Variants in CD2AP observed in about 807,000 individuals in gnomAD.
CD2AP encodes the protein CD2 associated protein.
A neutral mutation model predicts 85.1 loss-of-function variants in CD2AP; 46 were observed. The ratio of observed to expected loss-of-function variants is 0.54; its 90% CI spans 0.43 to 0.69. CD2AP has a LOEUF of 0.69. Among genes scored for constraint, CD2AP ranks in the 30% least tolerant of loss-of-function variants. The pLI, the probability that CD2AP is intolerant of heterozygous loss-of-function variation, is 0.00. For synonymous variants in CD2AP, 255 were observed against 252.9 expected (o/e 1.01, Z -0.08); for missense variants, 769 against 729.5 (o/e 1.05, Z -0.62).
intron 1 of CD2AP, among the ~76,000 whole-genome samples, chr6:47,491,128 G>A (rs1196869946): frequency 1.3e-5 from 2 of 151,940 alleles, no homozygotes; most frequent in African/African-American, 2.4e-5. Context: ...TCAGTTTTGC[G>A]TTTCTCTATT....
At chr6:47,505,283 G>A (rs1456895496) in intron 2 of CD2AP, among the ~76,000 whole-genome samples, 4 of 147,150 alleles carry the variant, frequency 2.7e-5, no homozygotes, top group Admixed American at 6.8e-5. Flanking sequence ...ATCTTGCACC[G>A]CCCTTAATCC....
At chr6:47,622,800 C>T (rs1041378247) in intron 17 of CD2AP, among the ~76,000 whole-genome samples, 4 of 152,240 alleles carry the variant, frequency 2.6e-5, no homozygotes, top group African/African-American at 7.2e-5. Flanking sequence ...ATACACAATG[C>T]GAGTCTCCGC....
At chr6:47,598,963 AT>A (rs1769029892) in intron 12 of CD2AP, among the ~76,000 whole-genome samples, 1 of 150,796 alleles carries the variant, frequency 6.6e-6, no homozygotes, top group South Asian at 2.1e-4. Flanking sequence ...CATTCTGTAC[AT>A]TTTGATTTAG....
chr6:47,505,921 C>G (rs796452255), intron 2 of CD2AP, among the ~76,000 whole-genome samples: 1 of 108,116 alleles, frequency 9.2e-6, no homozygotes, highest in Non-Finnish European at 2.0e-5. Context: ...ACCTCCCTCC[C>G]GGACGGGGTG....
In CD2AP at chr6:47,606,189, C is replaced by A; in HGVS notation, c.1442C>A (p.Ala481Asp). 6.3e-7 allele frequency: 1 copy of A among 1,599,840 alleles called. No homozygotes were observed. The highest frequency in any genetic ancestry group is 8.6e-7 in the Non-Finnish European group (1 of 1,167,296). Residue 481 changes from alanine (A) to aspartate (D), a missense_variant, in exon 14 of 18, where the codon GCT (alanine) becomes GAT (aspartate). Physicochemically the swap from Ala to Asp is moderately radical, Grantham distance 126. Coordinates refer to ENST00000359314, the MANE Select transcript of CD2AP (RefSeq NM_012120.3). ...ETDVVNFDDI[A>D]SSENLLHLTA... ...GATGTTGTAAATTTTGATGACATAG[C>A]TTCCTCAGAAAACTTGCTTCATCTC... is the stretch of plus-strand genomic sequence containing the variant.
intron 1 of CD2AP, among the ~76,000 whole-genome samples, chr6:47,482,233 A>G (rs1765464147): frequency 6.6e-6 from 1 of 152,192 alleles, no homozygotes. Flanking sequence ...TCTTTTCCTT[A>G]TTTAAGTACT....
chr6:47,544,901 G>A, intron 4 of CD2AP, 195 bp downstream of exon 4: 1 of 499,144 alleles, frequency 2.0e-6, no homozygotes, highest in Non-Finnish European at 3.5e-6. Context: ...GAATAAAAAT[G>A]CCCCCTTAAA....
At chr6:47,533,362 G>A (rs1160931685) in intron 2 of CD2AP, among the ~76,000 whole-genome samples, 1 of 152,058 alleles carries the variant, frequency 6.6e-6, no homozygotes, top group Non-Finnish European at 1.5e-5. Context: ...TCGGGGTGGG[G>A]TTTGAGCCTC....
rs544274813 is a variant in CD2AP at position 47,527,706 on chromosome 6, T to C, written c.166-5896T>C. Among the ~76,000 whole-genome samples the C allele has an allele frequency of 7.2e-5, 11 of 152,314 alleles. No individual in the cohort carries two copies. In the South Asian group the frequency reaches 2.3e-3, roughly 32 times the overall value. ...TTGTCAGCTGTGCCAGGAAGCTGCTTGGAGTACGTTGAGTGATACCTGCAG... is the reference window on the plus strand; with the variant it reads ...TTGTCAGCTGTGCCAGGAAGCTGCTCGGAGTACGTTGAGTGATACCTGCAG... On this transcript the variant is annotated intron_variant, in intron 2 of 17. Transcript: ENST00000359314.
At position 47,609,283 on chromosome 6, in the gene CD2AP, A is replaced by T; in HGVS notation, c.1793A>T (p.Glu598Val). 1 of 1,613,558 alleles carries T rather than the reference A, an allele frequency of 6.2e-7. No homozygotes were observed. The highest frequency in any genetic ancestry group is 8.5e-7 in the Non-Finnish European group (1 of 1,179,710). The change falls in exon 16 of 18, where the codon GAA (glutamate) becomes GTA (valine). Residue 598 changes from glutamate to valine, a missense_variant. Glu to Val is a moderately radical substitution (Grantham distance 121). Coordinates refer to ENST00000359314, the MANE Select transcript of CD2AP (RefSeq NM_012120.3). Reference protein sequence around the residue: ...AQIIELLCIVEALKKDHGKEL... With the variant: ...AQIIELLCIVVALKKDHGKEL... ...ATTATTGAATTGTTGTGCATTGTAG[A>T]AGCACTGAAAAAGGATCACGGGTAA...
intron 5 of CD2AP, among the ~76,000 whole-genome samples, chr6:47,567,142 GT>G (rs1768025907): frequency 6.6e-6 from 1 of 151,272 alleles, no homozygotes; most frequent in African/African-American, 2.4e-5. Flanking sequence ...AAATTTGGTG[GT>G]TTTTCACTAT....
intron 4 of CD2AP, among the ~76,000 whole-genome samples, chr6:47,549,983 G>T (rs1767469835): frequency 6.6e-6 from 1 of 152,114 alleles, no homozygotes; most frequent in African/African-American, 2.4e-5. Context: ...TCAACAAATG[G>T]CACTGGAATA....
chr6:47,621,795 C>A (rs1005923715), intron 17 of CD2AP, among the ~76,000 whole-genome samples: 3 of 151,926 alleles, frequency 2.0e-5, no homozygotes, highest in African/African-American at 7.2e-5. Flanking sequence ...TCCAGAAATT[C>A]ATCCATCTCT....
At chr6:47,498,050 A>G (rs1237105773) in intron 1 of CD2AP, among the ~76,000 whole-genome samples, 1 of 149,986 alleles carries the variant, frequency 6.7e-6, no homozygotes, top group Non-Finnish European at 1.5e-5. Flanking sequence ...CAAATTTAGT[A>G]CTTATTTTAT....
chr6:47,498,180 G>C (rs1765913830), intron 1 of CD2AP, among the ~76,000 whole-genome samples: 1 of 152,146 alleles, frequency 6.6e-6, no homozygotes. Flanking sequence ...CTTTATTGTT[G>C]CATGTGTGAA....
At chr6:47,582,780 G>GTTTTTTTTTGTTTTGTTTT (rs1768513752) in intron 11 of CD2AP, among the ~76,000 whole-genome samples, 2 of 136,786 alleles carry the variant, frequency 1.5e-5, no homozygotes, top group African/African-American at 5.8e-5. Flanking sequence ...TGTTTTTTTT[G>GTTTTTTTTTGTTTTGTTTT]TTTTTTTTTG....
intron 11 of CD2AP, among the ~76,000 whole-genome samples, chr6:47,584,195 C>T (rs117827781): frequency 6.6e-6 from 1 of 152,006 alleles, no homozygotes; most frequent in East Asian, 1.9e-4. Flanking sequence ...GACTTGTTTT[C>T]TTCACAGAGC....
intron 3 of CD2AP, among the ~76,000 whole-genome samples, chr6:47,540,443 T>C (rs1005104752): frequency 6.6e-6 from 1 of 152,184 alleles, no homozygotes; most frequent in African/African-American, 2.4e-5. Flanking sequence ...TGAACCCTAT[T>C]TAAATATGAA....
At chr6:47,549,345 T>C (rs998552104) in intron 4 of CD2AP, among the ~76,000 whole-genome samples, 4 of 151,548 alleles carry the variant, frequency 2.6e-5, no homozygotes, top group African/African-American at 7.3e-5. Flanking sequence ...GAGAAAAGAA[T>C]TCAGCAAAGT....
Sources: gnomAD v4.1 joint callset for allele counts (sites outside exome capture counted in the v4.1 genomes callset) on GRCh38, gnomAD v4.1.1 for gene constraint, MANE v1.5 for transcripts, NCBI Gene and HGNC (gene_info 2026-07-23, HGNC 2026-07-21) for gene names.